Variants in GRIN2A observed in about 807,000 individuals in gnomAD.
GRIN2A encodes the protein glutamate receptor ionotropic, NMDA 2A.
In GRIN2A, 22 loss-of-function variants were observed where a neutral mutation model predicts 113.4. The ratio of observed to expected loss-of-function variants is 0.19; its 90% CI spans 0.14 to 0.28. GRIN2A has a LOEUF of 0.28. Ranked by LOEUF, GRIN2A falls within the 10% of genes least tolerant of loss-of-function variation. The pLI, the probability that GRIN2A is intolerant of heterozygous loss-of-function variation, is 1.00. For missense variants in GRIN2A, 1,502 were observed against 1,887.0 expected (o/e 0.80, Z 3.78); for synonymous variants, 827 against 738.4 (o/e 1.12, Z -1.94).
At chr16:9,848,102 T>C (rs2042808959) in intron 5 of GRIN2A, among the ~76,000 whole-genome samples, 1 of 147,552 alleles carries the variant, frequency 6.8e-6, no homozygotes, top group Non-Finnish European at 1.5e-5. Flanking sequence ...ATATATTTTA[T>C]CTATAAACAT....
chr16:10,156,904 T>C (rs1286279959), intron 2 of GRIN2A, among the ~76,000 whole-genome samples: 1 of 152,152 alleles, frequency 6.6e-6, no homozygotes, highest in Non-Finnish European at 1.5e-5. Flanking sequence ...GAGCTAGAAC[T>C]ATGGGCACGT....
At chr16:9,858,180 C>A (rs1414611679) in intron 4 of GRIN2A, among the ~76,000 whole-genome samples, 1 of 151,802 alleles carries the variant, frequency 6.6e-6, no homozygotes, top group Non-Finnish European at 1.5e-5. Flanking sequence ...CATGAGAGAA[C>A]AACTTATCAG....
chr16:10,105,974 G>A (rs2034363), intron 2 of GRIN2A, among the ~76,000 whole-genome samples: 53,998 of 151,796 alleles, frequency 0.36, 9,772 homozygotes, highest in East Asian at 0.45. Flanking sequence ...AAAGGTATAT[G>A]TATATGCACA....
chr16:9,911,587 C>T (rs775338889), intron 3 of GRIN2A, among the ~76,000 whole-genome samples: 1 of 152,150 alleles, frequency 6.6e-6, no homozygotes, highest in Non-Finnish European at 1.5e-5. Context: ...CCATCCCAAT[C>T]CCTGTATCCA....
chr16:10,048,855 A>G (rs1224877891), intron 2 of GRIN2A, among the ~76,000 whole-genome samples: 1 of 152,104 alleles, frequency 6.6e-6, no homozygotes, highest in Non-Finnish European at 1.5e-5. Context: ...TCCTAATGCT[A>G]TTCTACATGG....
chr16:9,987,967 G>A (rs1447038487), intron 2 of GRIN2A, among the ~76,000 whole-genome samples: 1 of 152,198 alleles, frequency 6.6e-6, no homozygotes, highest in Non-Finnish European at 1.5e-5. Flanking sequence ...ATCATGCTCA[G>A]TGGTTTACCT....
At chr16:9,928,038 C>G (rs914444365) in intron 3 of GRIN2A, among the ~76,000 whole-genome samples, 1 of 152,176 alleles carries the variant, frequency 6.6e-6, no homozygotes, top group East Asian at 1.9e-4. Context: ...AACTTTGAGG[C>G]CCATGTAGAA....
chr16:10,084,744 C>A (rs922293911), intron 2 of GRIN2A, among the ~76,000 whole-genome samples: 1 of 147,024 alleles, frequency 6.8e-6, no homozygotes, highest in Non-Finnish European at 1.5e-5. Context: ...CCACCTGACA[C>A]TTTATTTATT....
intron 3 of GRIN2A, among the ~76,000 whole-genome samples, chr16:9,908,299 A>G (rs2044066940): frequency 6.6e-6 from 1 of 152,130 alleles, no homozygotes; most frequent in African/African-American, 2.4e-5. Context: ...TCTTGGTGGG[A>G]GAAGAGAATG....
At chr16:10,157,967 T>A (rs79821990) in intron 2 of GRIN2A, among the ~76,000 whole-genome samples, 5,199 of 152,208 alleles carry the variant, frequency 0.034, 235 homozygotes, top group African/African-American at 0.1. Flanking sequence ...TTGGCAGTGA[T>A]ATACCATTCT....
rs201686309 is a variant in GRIN2A at position 10,091,465 on chromosome 16, C to CACAT, written c.414+88532_414+88533insATGT. Among the ~76,000 whole-genome samples the CACAT allele has an allele frequency of 5.9e-3, 675 of 114,784 alleles. 7 individuals are homozygous for CACAT. Among genetic ancestry groups the CACAT allele is most frequent in the Middle Eastern group, 0.025 (6 of 238 alleles). 75.3% of individuals were successfully genotyped at this position (114,784 alleles called of 152,430 possible). On this transcript the variant is annotated intron_variant, in intron 2 of 12. Transcript: ENST00000330684. ...GTATGTATGTGTGTGTATACACACA[C>CACAT]ACACACACACACACACACACACACA...
At chr16:9,782,982 A>G (rs889132674) in intron 11 of GRIN2A, among the ~76,000 whole-genome samples, 4 of 152,188 alleles carry the variant, frequency 2.6e-5, no homozygotes, top group East Asian at 1.9e-4. Context: ...TAGAACTGAC[A>G]TATCTCTTAT....
chr16:9,765,296 C>T (rs920711967), intron 12 of GRIN2A, among the ~76,000 whole-genome samples: 15 of 152,188 alleles, frequency 9.9e-5, no homozygotes, highest in African/African-American at 3.6e-4. Context: ...GCACCCGGGT[C>T]ACCAATCCAA....
chr16:9,851,127 A>G (rs1439972977), intron 4 of GRIN2A, among the ~76,000 whole-genome samples: 2 of 152,230 alleles, frequency 1.3e-5, no homozygotes, highest in Non-Finnish European at 2.9e-5. Context: ...AGAGAATTCA[A>G]ACATGCCGGA....
intron 2 of GRIN2A, among the ~76,000 whole-genome samples, chr16:10,006,886 T>C (rs2046413309): frequency 6.6e-6 from 1 of 152,234 alleles, no homozygotes; most frequent in African/African-American, 2.4e-5. Context: ...CATGCAAAGT[T>C]TGTCTTTCTA....
chr16:10,145,711 T>C (rs978315611), intron 2 of GRIN2A, among the ~76,000 whole-genome samples: 1 of 152,188 alleles, frequency 6.6e-6, no homozygotes, highest in African/African-American at 2.4e-5. Context: ...GGCCAGATAG[T>C]AAATGTTTTA....
At chr16:9,981,564 T>C (rs2045892245) in intron 2 of GRIN2A, among the ~76,000 whole-genome samples, 1 of 152,190 alleles carries the variant, frequency 6.6e-6, no homozygotes. Flanking sequence ...AGATATCATA[T>C]CATTCATCTG....
intron 7 of GRIN2A, among the ~76,000 whole-genome samples, chr16:9,837,800 G>T (rs182749955): frequency 6.6e-6 from 1 of 152,148 alleles, no homozygotes; most frequent in South Asian, 2.1e-4. Flanking sequence ...TAAAATACGA[G>T]TATCTGAATC....
At chr16:10,055,082 AAAAGAAAAAAGAAAGAAAG>A (rs1567266417) in intron 2 of GRIN2A, among the ~76,000 whole-genome samples, 2 of 79,078 alleles carry the variant, frequency 2.5e-5, no homozygotes, top group African/African-American at 1.2e-4. Context: ...AAAAAAAAAA[AAAAGAAAAAAGAAAGAAAG>A]AAAGAAAAAA....
Sources: gnomAD v4.1 joint callset for allele counts (sites outside exome capture counted in the v4.1 genomes callset) on GRCh38, gnomAD v4.1.1 for gene constraint, MANE v1.5 for transcripts, NCBI Gene and HGNC (gene_info 2026-07-23, HGNC 2026-07-21) for gene names.